The following ATAD2 variants were observed in gnomAD, a reference collection of about 807,000 sequenced individuals.
ATAD2 encodes the protein ATPase family AAA domain-containing protein 2.
In ATAD2, 62 loss-of-function variants were observed where a neutral mutation model predicts 168.9. The observed-to-expected ratio is 0.37, with a 90% CI of 0.30 to 0.45. The LOEUF (loss-of-function observed/expected upper bound fraction) is 0.45, where lower values mean the gene tolerates loss of function less well. ATAD2 is among the 20% of genes least tolerant of loss of function. ATAD2 has a pLI of 1.00. For synonymous variants in ATAD2, 613 were observed against 571.6 expected, an observed-to-expected ratio of 1.07 and a Z score of -1.03; for missense variants, 1,419 against 1,667.8, an observed-to-expected ratio of 0.85 and a Z score of 2.60.
chr8:123,351,748 G>GT (rs987980082), intron 13 of ATAD2, among the ~76,000 whole-genome samples: 2,548 of 134,638 alleles, frequency 0.019, 23 homozygotes, highest in African/African-American at 0.022. Flanking sequence ...AAAAACTGAT[G>GT]TTTTTTTTTT....
chr8:123,404,686 C>G (rs1297124928), intron 1 of ATAD2, among the ~76,000 whole-genome samples: 1 of 152,056 alleles, frequency 6.6e-6, no homozygotes, highest in Non-Finnish European at 1.5e-5. Context: ...CCTGCCTCAG[C>G]CTCCAGAGTA....
chr8:123,366,476 G>C (rs149521907), intron 8 of ATAD2, among the ~76,000 whole-genome samples: 80 of 152,270 alleles, frequency 5.3e-4, no homozygotes, highest in African/African-American at 1.8e-3. Context: ...GTTTATAGCA[G>C]CACAATTCGC....
Position 123,346,070 on chromosome 8 carries a change from G to T in ATAD2, c.2532+16C>A. 2.0e-6 allele frequency: 3 copies of T among 1,483,246 alleles called. No individual in the cohort carries two copies. The highest frequency in any genetic ancestry group is 1.4e-5 in the South Asian group (1 of 69,984). The allele number at this position is 1,483,246 out of a possible 1,614,324, so 91.9% of individuals were successfully genotyped here. A position where few individuals can be genotyped will look rare whatever the true frequency, so the allele number is the denominator to read the frequency against. On this transcript the variant is annotated intron_variant, in intron 18 of 27. Coordinates refer to ENST00000287394, the MANE Select transcript of ATAD2 (RefSeq NM_014109.4). ...GAAAGCCTGTTTTGTCTTATACTTGGGCACCAACAAATTACCTGGGCACAT... is the reference window on the plus strand; with the variant it reads ...GAAAGCCTGTTTTGTCTTATACTTGTGCACCAACAAATTACCTGGGCACAT...
chr8:123,351,973 C>T (rs1305189996), intron 13 of ATAD2, among the ~76,000 whole-genome samples: 1 of 152,160 alleles, frequency 6.6e-6, no homozygotes, highest in African/African-American at 2.4e-5. Flanking sequence ...TGGTCTCGAT[C>T]TCCTGACCTC....
In ATAD2 at chr8:123,339,434, A is replaced by G; in HGVS notation, c.2731T>C (p.Phe911Leu). The G allele has an allele frequency of 6.3e-7, 1 of 1,591,332 alleles. No individual in the cohort carries two copies. The highest frequency in any genetic ancestry group is 8.5e-7 in the Non-Finnish European group (1 of 1,169,846). The change falls in exon 20 of 28, where the codon TTT (phenylalanine) becomes CTT (leucine). Residue 911 changes from phenylalanine (F) to leucine (L), a missense_variant. Physicochemically the swap from Phe to Leu is conservative, Grantham distance 22 (BLOSUM62 0). Coordinates refer to ENST00000287394, the MANE Select transcript of ATAD2 (RefSeq NM_014109.4). Reference sequence around the variant, plus strand: ...AAAATCTCTCCATAATCACGGATAAACAATTCTTGCACCTTAAAAAAGAAA... The same window carrying G: ...AAAATCTCTCCATAATCACGGATAAGCAATTCTTGCACCTTAAAAAAGAAA... ...SALPEEVQEL[F>L]IRDYGEIFNV...
intron 5 of ATAD2, 44 bp downstream of exon 5, chr8:123,371,192 A>C: frequency 4.7e-6 from 7 of 1,476,224 alleles, no homozygotes; most frequent in Non-Finnish European, 6.5e-6. Flanking sequence ...TAAAAAAATT[A>C]AACTGGATAT....
At chr8:123,397,703 A>C (rs1812920789), upstream of ATAD2, among the ~76,000 whole-genome samples, 1 of 152,256 alleles carries the variant, frequency 6.6e-6, no homozygotes, top group South Asian at 2.1e-4. Context: ...AAAAAGAACA[A>C]AAATGCCCTA....
intron 8 of ATAD2, among the ~76,000 whole-genome samples, chr8:123,368,035 TAA>T (rs1235121485): frequency 6.6e-6 from 1 of 152,124 alleles, no homozygotes; most frequent in Non-Finnish European, 1.5e-5. Context: ...CCCATACAAA[TAA>T]AATTTTTTTC....
chr8:123,340,322 A>G (rs1053676171), intron 19 of ATAD2, among the ~76,000 whole-genome samples: 1 of 152,214 alleles, frequency 6.6e-6, no homozygotes, highest in African/African-American at 2.4e-5. Context: ...GCCAGAAGGT[A>G]AGTGTGGGCT....
chr8:123,397,902 A>G (rs16898263), upstream of ATAD2, among the ~76,000 whole-genome samples: 2,598 of 152,268 alleles, frequency 0.017, 72 homozygotes, highest in African/African-American at 0.058. Flanking sequence ...TTCTGGAAGA[A>G]GAGAGAGGCG....
intron 1 of ATAD2, among the ~76,000 whole-genome samples, chr8:123,385,532 A>G (rs930033470): frequency 6.6e-6 from 1 of 152,202 alleles, no homozygotes; most frequent in African/African-American, 2.4e-5. Context: ...TTAAAACTGT[A>G]TGAGAGAATA....
At chr8:123,340,882 T>C (rs144042727) in intron 19 of ATAD2, among the ~76,000 whole-genome samples, 132 of 152,200 alleles carry the variant, frequency 8.7e-4, no homozygotes, top group South Asian at 1.7e-3. Context: ...TTGCCCAACA[T>C]TGTAAATGCA....
At chr8:123,370,085 C>G (rs919241900) in intron 6 of ATAD2, 61 bp from the exon 7 acceptor site, 137 of 1,410,752 alleles carry the variant, frequency 9.7e-5, no homozygotes, top group Non-Finnish European at 1.3e-4. Flanking sequence ...CAATTTTTAA[C>G]ATAGGTGAGT....
intron 1 of ATAD2, among the ~76,000 whole-genome samples, chr8:123,410,529 C>T (rs1263538170): frequency 9.2e-6 from 1 of 109,178 alleles, no homozygotes; most frequent in Admixed American, 1.1e-4. Flanking sequence ...TCAAGTGATC[C>T]ACCCGCCTTG....
Position 123,371,713 on chromosome 8 carries a change from T to C in ATAD2, c.493A>G (p.Ser165Gly). 6.2e-7 allele frequency: 1 copy of C among 1,613,446 alleles called. No homozygotes were observed. Among genetic ancestry groups the C allele is most frequent in the Non-Finnish European group, 8.5e-7 (1 of 1,179,764 alleles). ...AACAGCATGGACTGGTTTACACCACTATAACGACTTCTAATCCTACAACTT... is the reference window on the plus strand; with the variant it reads ...AACAGCATGGACTGGTTTACACCACCATAACGACTTCTAATCCTACAACTT... Reference protein sequence around the residue: ...RRSCRIRSRYSGVNQSMLFDK... With the variant: ...RRSCRIRSRYGGVNQSMLFDK... Residue 165 changes from serine (S) to glycine (G), a missense_variant, in exon 4 of 28, where the codon AGT (serine) becomes GGT (glycine). Transcript: ENST00000287394.
At chr8:123,363,990 C>A (rs1828894307) in intron 8 of ATAD2, among the ~76,000 whole-genome samples, 1 of 151,960 alleles carries the variant, frequency 6.6e-6, no homozygotes, top group African/African-American at 2.4e-5. Context: ...TTTCATAAAC[C>A]AATAAAGTTA....
chr8:123,380,826 T>C (rs1829473811), intron 1 of ATAD2, 149 bp from the exon 2 acceptor site: 1 of 704,154 alleles, frequency 1.4e-6, no homozygotes, highest in Admixed American at 3.0e-5. Context: ...TACAAGTTAG[T>C]ATCTAGAAAA....
At chr8:123,415,676 C>T (rs1813252234) in intron 1 of ATAD2, among the ~76,000 whole-genome samples, 2 of 152,162 alleles carry the variant, frequency 1.3e-5, no homozygotes, top group South Asian at 2.1e-4. Flanking sequence ...CTCACTGCAA[C>T]CTCCGCCTCC....
At chr8:123,389,742 T>C (rs1210896754) in intron 1 of ATAD2, among the ~76,000 whole-genome samples, 3 of 151,388 alleles carry the variant, frequency 2.0e-5, no homozygotes. Flanking sequence ...GATCCTGTGC[T>C]GTATTATTGG....
Sources: gnomAD v4.1 joint callset for allele counts (sites outside exome capture counted in the v4.1 genomes callset) on GRCh38, gnomAD v4.1.1 for gene constraint, MANE v1.5 for transcripts, NCBI Gene and HGNC (gene_info 2026-07-23, HGNC 2026-07-21) for gene names.